Variants in ARSB observed in about 807,000 individuals in gnomAD.
ARSB encodes the protein arylsulfatase B.
In ARSB, 41 loss-of-function variants were observed where a neutral mutation model predicts 50.9. The ratio of observed to expected loss-of-function variants is 0.81; its 90% confidence interval spans 0.63 to 1.04. The LOEUF is 1.04. ARSB is among the 50% of genes least tolerant of loss of function. ARSB has a pLI of 0.00. For missense variants in ARSB, 672 were observed against 693.3 expected, an observed-to-expected ratio of 0.97 and a Z score of 0.35; for synonymous variants, 269 against 284.8, an observed-to-expected ratio of 0.94 and a Z score of 0.56.
intron 6 of ARSB, among the ~76,000 whole-genome samples, chr5:78,797,254 G>A (rs974085896): frequency 9.8e-5 from 15 of 152,288 alleles, no homozygotes; most frequent in Non-Finnish European, 1.5e-4. Context: ...GAGCCACTGC[G>A]CCCGGCCTCT....
chr5:78,812,210 G>C (rs866742323), intron 6 of ARSB, among the ~76,000 whole-genome samples: 6 of 152,162 alleles, frequency 3.9e-5, no homozygotes, highest in South Asian at 2.1e-4. Flanking sequence ...CAGAGCAGTG[G>C]GCAGGTGCTC....
At chr5:78,848,744 T>G (rs1745586277) in intron 5 of ARSB, among the ~76,000 whole-genome samples, 1 of 152,218 alleles carries the variant, frequency 6.6e-6, no homozygotes, top group Admixed American at 6.5e-5. Flanking sequence ...GTTTCCTGAC[T>G]TTTTAATGAT....
At position 78,960,476 on chromosome 5, in the gene ARSB, A is replaced by T. The variant is rs16876144; in HGVS notation, c.690+3940T>A. Among the ~76,000 whole-genome samples, 1,308 of 152,342 alleles carry T rather than the reference A, an allele frequency of 8.6e-3. 17 individuals carry two copies. The highest frequency in any genetic ancestry group is 0.029 in the African/African-American group (1,226 of 41,576). On this transcript the variant is annotated intron_variant, in intron 3 of 7. Transcript: ENST00000264914. ...AGAAAAGTAAGAGTCTTCCACTAGA[A>T]ATTAACATTTTCTTTAAGAAGCTTC... is the stretch of plus-strand genomic sequence containing the variant.
chr5:78,926,381 C>T (rs1750054243), intron 4 of ARSB, among the ~76,000 whole-genome samples: 1 of 152,098 alleles, frequency 6.6e-6, no homozygotes, highest in Non-Finnish European at 1.5e-5. Flanking sequence ...GTCCAAGTGC[C>T]TTTCTACATG....
At chr5:78,901,893 C>T (rs944632328) in intron 4 of ARSB, among the ~76,000 whole-genome samples, 1 of 152,144 alleles carries the variant, frequency 6.6e-6, no homozygotes, top group Non-Finnish European at 1.5e-5. Flanking sequence ...GTGGTAAGGA[C>T]GTGGAGAAAC....
intron 5 of ARSB, among the ~76,000 whole-genome samples, chr5:78,866,509 C>T (rs1472731996): frequency 6.6e-6 from 1 of 152,160 alleles, no homozygotes; most frequent in East Asian, 1.9e-4. Context: ...AGATAAACTC[C>T]AGAAAGAGAA....
intron 4 of ARSB, among the ~76,000 whole-genome samples, chr5:78,892,017 T>C (rs1339337932): frequency 6.6e-6 from 1 of 152,092 alleles, no homozygotes; most frequent in Admixed American, 6.6e-5. Flanking sequence ...GATAACAAAA[T>C]ACCCACCTTA....
intron 6 of ARSB, among the ~76,000 whole-genome samples, chr5:78,825,148 G>C (rs1744380043): frequency 6.6e-6 from 1 of 152,184 alleles, no homozygotes; most frequent in Admixed American, 6.5e-5. Context: ...TTATCTAAAA[G>C]CAAGCAGATA....
intron 5 of ARSB, among the ~76,000 whole-genome samples, chr5:78,845,805 G>A (rs1745420426): frequency 6.6e-6 from 1 of 152,074 alleles, no homozygotes; most frequent in Non-Finnish European, 1.5e-5. Flanking sequence ...TGAAGAGTTA[G>A]CAAATATTTT....
At chr5:78,826,449 G>C (rs1365308906) in intron 6 of ARSB, among the ~76,000 whole-genome samples, 1 of 152,088 alleles carries the variant, frequency 6.6e-6, no homozygotes, top group Non-Finnish European at 1.5e-5. Flanking sequence ...AGACTAAATT[G>C]TCTGCCCTCG....
At position 78,884,129 on chromosome 5, in the gene ARSB, T is replaced by C. The variant is rs1051514035; in HGVS notation, c.1142+1455A>G. Reference sequence around the variant, plus strand: ...AGAGATTGAAGATTTGAAGGGTGGATACTTCATCTACAGAAGGCAGCAGCT... The same window carrying C: ...AGAGATTGAAGATTTGAAGGGTGGACACTTCATCTACAGAAGGCAGCAGCT... On this transcript the variant is annotated intron_variant, in intron 5 of 7. Transcript: ENST00000264914. The C allele has an allele frequency of 2.0e-5, 3 of 152,202 alleles. No homozygotes were observed. The East Asian group carries it at 5.8e-4, about 29-fold the overall frequency. The allele number at this position is 152,202 out of a possible 1,614,324, so 9.4% of individuals were successfully genotyped here.
chr5:78,840,353 C>T (rs953911131), intron 5 of ARSB, among the ~76,000 whole-genome samples: 30 of 152,180 alleles, frequency 2.0e-4, no homozygotes, highest in African/African-American at 7.2e-4. Context: ...AGGCTCCTGA[C>T]GTAACCAAGA....
At chr5:78,984,584 C>T (rs1469636093) in intron 1 of ARSB, among the ~76,000 whole-genome samples, 1 of 152,258 alleles carries the variant, frequency 6.6e-6, no homozygotes, top group Non-Finnish European at 1.5e-5. Context: ...CCCACGCCCT[C>T]CCCAGCCTCC....
intron 6 of ARSB, among the ~76,000 whole-genome samples, chr5:78,802,864 G>C (rs1039017537): frequency 2.6e-5 from 4 of 152,184 alleles, no homozygotes; most frequent in Non-Finnish European, 5.9e-5. Flanking sequence ...AGAGGGAATA[G>C]GATCAAAGTC....
rs187221099 is a variant in ARSB, at chr5:78,956,860, T to C, written c.691-1358A>G. Among the ~76,000 whole-genome samples the C allele has an allele frequency of 3.3e-3, 503 of 152,342 alleles. 2 individuals carry two copies. The highest frequency in any genetic ancestry group is 0.011 in the African/African-American group (471 of 41,590). On this transcript the variant is annotated intron_variant, in intron 3 of 7. Transcript: ENST00000264914. The stretch of plus-strand genomic sequence containing the variant: ...CTATTACGATATGGATGTGTACCAA[T>C]AGAGGCTTTAGCTTTTTGCTTTAGC...
chr5:78,852,919 A>T (rs911101692), intron 5 of ARSB, among the ~76,000 whole-genome samples: 1 of 152,112 alleles, frequency 6.6e-6, no homozygotes, highest in African/African-American at 2.4e-5. Flanking sequence ...AGCTCCTTTA[A>T]GCACTTCTCT....
rs1290272327 is a variant in ARSB at position 78,802,343 on chromosome 5, T to C, written c.1214-20369A>G. Among the ~76,000 whole-genome samples, 3 of 151,466 alleles carry C rather than the reference T, an allele frequency of 2.0e-5. No individual in the cohort carries two copies. In the East Asian group the frequency reaches 5.8e-4, roughly 29 times the overall value. ...ATTATATTTGTTAAATTAAATTAAA[T>C]ATATTTAATACATGTCTCCCTAGAA... On this transcript the variant is annotated intron_variant, in intron 6 of 7. Transcript: ENST00000264914.
At chr5:78,858,544 C>A (rs149742036) in intron 5 of ARSB, among the ~76,000 whole-genome samples, 91 of 152,190 alleles carry the variant, frequency 6.0e-4, no homozygotes, top group African/African-American at 2.1e-3. Context: ...AAGGGTGGGG[C>A]AACAAAACAT....
At chr5:78,784,817 T>TA (rs1181132366) in intron 6 of ARSB, among the ~76,000 whole-genome samples, 1 of 150,382 alleles carries the variant, frequency 6.6e-6, no homozygotes, top group East Asian at 1.9e-4. Context: ...TTTTTTTTTT[T>TA]AGATGGAGTC....
Sources: allele counts gnomAD v4.1 joint callset (sites outside exome capture counted in the v4.1 genomes callset), GRCh38; gene constraint gnomAD v4.1.1; transcripts MANE v1.5; gene names NCBI Gene and HGNC (gene_info 2026-07-23, HGNC 2026-07-21).